The following RNF125 variants were observed in gnomAD, a reference collection of about 807,000 sequenced individuals.
The protein encoded by RNF125 is E3 ubiquitin-protein ligase RNF125.
Under a neutral mutation model 26.0 loss-of-function variants are expected in RNF125, and 21 were observed. The observed-to-expected ratio is 0.81, with a 90% CI of 0.57 to 1.16. The LOEUF is 1.16. Among genes scored for constraint, RNF125 ranks in the 50% most tolerant of loss-of-function variants. The probability of loss-of-function intolerance (pLI) is 0.00; values close to 1 mark genes in which losing one functional copy is unlikely to be tolerated. For synonymous variants in RNF125, 95 were observed against 109.2 expected (o/e 0.87, Z 0.81); for missense variants, 270 against 299.4 (o/e 0.90, Z 0.72).
At chr18:32,080,657 C>G in the RNF125 span, among the ~76,000 whole-genome samples, 2 of 152,134 alleles carry the variant, frequency 1.3e-5, no homozygotes, top group Middle Eastern at 3.4e-3. Flanking sequence ...AGATCTGTTG[C>G]GTAACAAGGT....
chr18:32,055,456 A>G (rs914333956), intron 4 of RNF125, among the ~76,000 whole-genome samples: 3 of 152,196 alleles, frequency 2.0e-5, no homozygotes, highest in Non-Finnish European at 4.4e-5. Context: ...TCACAGTTGC[A>G]CATGGCTGGG....
intron 4 of RNF125, among the ~76,000 whole-genome samples, chr18:32,055,818 A>G (rs1448036786): frequency 6.6e-6 from 1 of 151,658 alleles, no homozygotes; most frequent in Non-Finnish European, 1.5e-5. Flanking sequence ...CGTCTCTACT[A>G]AAAATACAAA....
At chr18:32,082,545 G>A in the RNF125 span, among the ~76,000 whole-genome samples, 2 of 152,226 alleles carry the variant, frequency 1.3e-5, no homozygotes, top group East Asian at 1.9e-4. Context: ...TCGTCTTCAC[G>A]CTGTCCTGAT....
chr18:32,074,786 G>T (rs201836365), downstream of RNF125, among the ~76,000 whole-genome samples: 2 of 152,226 alleles, frequency 1.3e-5, no homozygotes, highest in African/African-American at 4.8e-5. Flanking sequence ...CAGATGATCC[G>T]CCTGCCTTGG....
chr18:32,066,639 G>GA (rs2039487906), intron 5 of RNF125, among the ~76,000 whole-genome samples: 1 of 152,218 alleles, frequency 6.6e-6, no homozygotes, highest in Non-Finnish European at 1.5e-5. Context: ...CGACCTTGCA[G>GA]AAGGTATTTA....
At chr18:32,056,828 T>C (rs905638161) in intron 4 of RNF125, among the ~76,000 whole-genome samples, 3 of 152,178 alleles carry the variant, frequency 2.0e-5, no homozygotes, top group Admixed American at 2.0e-4. Flanking sequence ...CAATGATTTT[T>C]TTACACAGCA....
At chr18:32,079,446 A>G in the RNF125 span, among the ~76,000 whole-genome samples, 2 of 152,204 alleles carry the variant, frequency 1.3e-5, no homozygotes, top group Non-Finnish European at 2.9e-5. Flanking sequence ...ATGAATGGCT[A>G]AAAAATGGAT....
At chr18:32,082,623 ACT>A in the RNF125 span, among the ~76,000 whole-genome samples, 6 of 152,116 alleles carry the variant, frequency 3.9e-5, no homozygotes, top group African/African-American at 7.2e-5. Context: ...AGGAACGGAA[ACT>A]CTATGTGTGT....
chr18:32,090,342 C>G, the RNF125 span, among the ~76,000 whole-genome samples: 1 of 152,234 alleles, frequency 6.6e-6, no homozygotes, highest in Non-Finnish European at 1.5e-5. Context: ...AGCACCTGAA[C>G]TACTGCTATT....
chr18:32,050,864 G>GTTTTT (rs2039317835), intron 4 of RNF125, among the ~76,000 whole-genome samples: 1 of 71,262 alleles, frequency 1.4e-5, no homozygotes. Flanking sequence ...GGTCTAGAGT[G>GTTTTT]CTTTTTTTTT....
chr18:32,067,068 C>T (rs1357269193), intron 5 of RNF125, among the ~76,000 whole-genome samples: 10 of 152,108 alleles, frequency 6.6e-5, no homozygotes, highest in Non-Finnish European at 1.3e-4. Context: ...CTGGCTAACA[C>T]GGTGAAACCC....
intron 1 of RNF125, among the ~76,000 whole-genome samples, chr18:32,021,335 C>T (rs564282317): frequency 8.5e-5 from 13 of 152,366 alleles, no homozygotes; most frequent in African/African-American, 2.6e-4. Flanking sequence ...CCGCCTCGGC[C>T]TCCCAAAGTG....
chr18:32,023,652 C>G (rs945342157), intron 1 of RNF125, among the ~76,000 whole-genome samples: 1 of 152,176 alleles, frequency 6.6e-6, no homozygotes, highest in African/African-American at 2.4e-5. Flanking sequence ...CCAATTATGT[C>G]CTGTTCAGAC....
Position 32,037,072 on chromosome 18 carries a change from T to A in RNF125, c.165-44T>A, listed in dbSNP as rs1229820886. 3 of 1,547,272 alleles carry A rather than the reference T, an allele frequency of 1.9e-6. No homozygotes were observed. The East Asian group carries it at 7.3e-5, about 38-fold the overall frequency. On this transcript the variant is annotated intron_variant, in intron 1 of 5. Transcript: ENST00000217740. ...ATGAATACATGGTGGTGGCTCCTTATAGCTTTCAAGGAAAGTGATGTATTT... is the reference window on the plus strand; with the variant it reads ...ATGAATACATGGTGGTGGCTCCTTAAAGCTTTCAAGGAAAGTGATGTATTT...
chr18:32,044,297 T>A (rs1375381125), intron 3 of RNF125, among the ~76,000 whole-genome samples: 2 of 152,010 alleles, frequency 1.3e-5, no homozygotes, highest in African/African-American at 4.8e-5. Context: ...GAGCCACTGC[T>A]CCCGGCCTAG....
intron 4 of RNF125, among the ~76,000 whole-genome samples, chr18:32,059,548 A>G (rs1389561054): frequency 6.6e-6 from 1 of 152,130 alleles, no homozygotes; most frequent in Non-Finnish European, 1.5e-5. Flanking sequence ...GGAGTTTGCA[A>G]ATATTTTCTC....
chr18:32,026,242 CTTT>C (rs1181390375), intron 1 of RNF125, among the ~76,000 whole-genome samples: 41 of 73,136 alleles, frequency 5.6e-4, no homozygotes, highest in African/African-American at 2.4e-3. Context: ...AGCACCCGGT[CTTT>C]TTTTTTTTTT....
chr18:32,033,720 G>A (rs1208647204), intron 1 of RNF125, among the ~76,000 whole-genome samples: 1 of 151,842 alleles, frequency 6.6e-6, no homozygotes, highest in Non-Finnish European at 1.5e-5. Context: ...TCAAGAGGCT[G>A]AAGCAGGAGA....
At chr18:32,019,736 G>A (rs1308362916) in intron 1 of RNF125, among the ~76,000 whole-genome samples, 1 of 152,106 alleles carries the variant, frequency 6.6e-6, no homozygotes, top group Non-Finnish European at 1.5e-5. Context: ...GCCCCTGAAT[G>A]TACTCCTTCA....
Sources: allele counts gnomAD v4.1 joint callset (sites outside exome capture counted in the v4.1 genomes callset), GRCh38; gene constraint gnomAD v4.1.1; transcripts MANE v1.5; gene names NCBI Gene and HGNC (gene_info 2026-07-23, HGNC 2026-07-21).